Variants in NEGR1 observed in about 807,000 individuals in gnomAD.
The protein encoded by NEGR1 is IgLON family member 4.
NEGR1 carries 10 observed loss-of-function variants against 40.9 expected under a neutral mutation model. The observed-to-expected ratio is 0.24, with a 90% CI of 0.15 to 0.42. The LOEUF (loss-of-function observed/expected upper bound fraction) is 0.42, where lower values mean the gene tolerates loss of function less well. Among genes scored for constraint, NEGR1 ranks in the 10% least tolerant of loss-of-function variants. The pLI is 1.00. For synonymous variants in NEGR1, 185 were observed against 166.8 expected (o/e 1.11, Z -0.84); for missense variants, 352 against 438.9 (o/e 0.80, Z 1.77).
chr1:72,015,599 A>G (rs3102923), intron 1 of NEGR1, among the ~76,000 whole-genome samples: 79,390 of 151,962 alleles, frequency 0.52, 21,718 homozygotes, highest in East Asian at 0.67. Flanking sequence ...CAGCCCAGGA[A>G]GTTGAGGCTG....
intron 1 of NEGR1, among the ~76,000 whole-genome samples, chr1:71,948,462 T>A (rs1026939202): frequency 2.7e-5 from 4 of 148,784 alleles, no homozygotes; most frequent in Non-Finnish European, 5.9e-5. Flanking sequence ...CTTCAAGGGA[T>A]ATGTGTGCTT....
intron 2 of NEGR1, among the ~76,000 whole-genome samples, chr1:71,842,658 T>A (rs1222226377): frequency 2.6e-5 from 4 of 152,184 alleles, no homozygotes; most frequent in Non-Finnish European, 4.4e-5. Context: ...TGAAAGGAAA[T>A]CTTGAAAACA....
intron 3 of NEGR1, among the ~76,000 whole-genome samples, chr1:71,754,506 G>A (rs1655668250): frequency 6.6e-6 from 1 of 152,128 alleles, no homozygotes. Flanking sequence ...TACTGTTGAA[G>A]CCAAATGATA....
At chr1:71,797,668 G>C (rs1657388638) in intron 2 of NEGR1, among the ~76,000 whole-genome samples, 1 of 152,056 alleles carries the variant, frequency 6.6e-6, no homozygotes. Context: ...AAATGCTGTT[G>C]GATTGAAGAG....
At chr1:71,960,904 C>G (rs1403766369) in intron 1 of NEGR1, among the ~76,000 whole-genome samples, 1 of 152,008 alleles carries the variant, frequency 6.6e-6, no homozygotes, top group East Asian at 1.9e-4. Context: ...GACAAAATTC[C>G]TTAGATGACA....
At chr1:71,622,770 T>A (rs1242912161) in intron 4 of NEGR1, among the ~76,000 whole-genome samples, 2 of 151,796 alleles carry the variant, frequency 1.3e-5, no homozygotes, top group African/African-American at 4.8e-5. Flanking sequence ...GAGGATAGCA[T>A]TGGTTGGATC....
chr1:72,087,174 C>G (rs948523584), intron 1 of NEGR1, among the ~76,000 whole-genome samples: 1 of 152,088 alleles, frequency 6.6e-6, no homozygotes, highest in Non-Finnish European at 1.5e-5. Flanking sequence ...AATCCCAGCA[C>G]TTTGGGAGGC....
At chr1:71,576,117 AG>A (rs1648958681) in intron 6 of NEGR1, among the ~76,000 whole-genome samples, 2 of 152,192 alleles carry the variant, frequency 1.3e-5, no homozygotes, top group Non-Finnish European at 2.9e-5. Context: ...AAAGAACTTG[AG>A]AGTTCTTCCC....
At chr1:72,177,035 C>T (rs573719215) in intron 1 of NEGR1, among the ~76,000 whole-genome samples, 1 of 152,114 alleles carries the variant, frequency 6.6e-6, no homozygotes, top group East Asian at 1.9e-4. Flanking sequence ...AATGGAATGA[C>T]TAAAGAAATA....
In NEGR1 at chr1:71,702,341, A is replaced by G. The variant is rs183525786; in HGVS notation, c.536-4202T>C. On this transcript the variant is annotated intron_variant, in intron 3 of 6. Transcript: ENST00000357731. Reference sequence around the variant, plus strand: ...ACAATTTCAATAAAGTATGATAACTACTACATTTGGGGTAAATATAGGGTG... The same window carrying G: ...ACAATTTCAATAAAGTATGATAACTGCTACATTTGGGGTAAATATAGGGTG... Among the ~76,000 whole-genome samples, 3 of 152,160 alleles carry G rather than the reference A, an allele frequency of 2.0e-5. No individual in the cohort carries two copies. The East Asian group carries it at 5.8e-4, about 29-fold the overall frequency.
chr1:72,182,417 C>A (rs577646599), intron 1 of NEGR1, among the ~76,000 whole-genome samples: 1 of 151,936 alleles, frequency 6.6e-6, no homozygotes, highest in Non-Finnish European at 1.5e-5. Flanking sequence ...CATTTGAACC[C>A]GGGGGGTGGA....
At chr1:71,917,135 G>T (rs189358045) in intron 2 of NEGR1, among the ~76,000 whole-genome samples, 37 of 152,308 alleles carry the variant, frequency 2.4e-4, no homozygotes, top group African/African-American at 8.2e-4. Flanking sequence ...GGCGCCAATG[G>T]CTACTCATAA....
intron 1 of NEGR1, among the ~76,000 whole-genome samples, chr1:71,960,184 C>T (rs5011715): frequency 6.6e-6 from 1 of 152,132 alleles, no homozygotes; most frequent in Non-Finnish European, 1.5e-5. Context: ...ACATAGCCTA[C>T]TTATTGGGCA....
chr1:72,143,768 A>T (rs1042958586), intron 1 of NEGR1, among the ~76,000 whole-genome samples: 1 of 149,130 alleles, frequency 6.7e-6, no homozygotes, highest in African/African-American at 2.4e-5. Flanking sequence ...TACACATTTT[A>T]TTGAATATGG....
At chr1:71,478,144 A>G (rs928471754) in intron 6 of NEGR1, among the ~76,000 whole-genome samples, 5 of 151,968 alleles carry the variant, frequency 3.3e-5, no homozygotes, top group Admixed American at 6.6e-5. Context: ...CCCTCATACC[A>G]TTGATTTTGC....
chr1:71,773,132 C>T (rs966270329), intron 3 of NEGR1, among the ~76,000 whole-genome samples: 12 of 152,038 alleles, frequency 7.9e-5, no homozygotes, highest in Non-Finnish European at 1.3e-4. Context: ...AACACACAGC[C>T]TCATTTTTCT....
At chr1:72,182,588 A>T (rs1445976271) in intron 1 of NEGR1, among the ~76,000 whole-genome samples, 1 of 152,096 alleles carries the variant, frequency 6.6e-6, no homozygotes, top group East Asian at 1.9e-4. Flanking sequence ...TAATGAAGCA[A>T]CTTCCCAAGG....
chr1:72,268,319 G>A, intron 1 of NEGR1, among the ~76,000 whole-genome samples: 1 of 151,530 alleles, frequency 6.6e-6, no homozygotes, highest in Non-Finnish European at 1.5e-5. Context: ...AATAAGTATG[G>A]GAGTAGCTCT....
At chr1:71,431,767 G>A (rs1288510289) in intron 6 of NEGR1, among the ~76,000 whole-genome samples, 1 of 152,164 alleles carries the variant, frequency 6.6e-6, no homozygotes, top group Non-Finnish European at 1.5e-5. Context: ...CAGAATAAGG[G>A]ACTAGAAAGT....
Sources: gnomAD v4.1 joint callset for allele counts (sites outside exome capture counted in the v4.1 genomes callset) on GRCh38, gnomAD v4.1.1 for gene constraint, MANE v1.5 for transcripts, NCBI Gene and HGNC (gene_info 2026-07-23, HGNC 2026-07-21) for gene names.